Variants in TRAF3IP1 observed in about 807,000 individuals in gnomAD.
The protein encoded by TRAF3IP1 is intraflagellar transport 54.
A neutral mutation model predicts 89.9 loss-of-function variants in TRAF3IP1; 53 were observed. The ratio of observed to expected loss-of-function variants is 0.59; its 90% CI spans 0.47 to 0.74. TRAF3IP1 has a LOEUF of 0.74. Ranked by LOEUF, TRAF3IP1 falls within the 30% of genes least tolerant of loss-of-function variation. The probability of loss-of-function intolerance (pLI) is 0.00; values close to 1 mark genes in which losing one functional copy is unlikely to be tolerated. For missense variants in TRAF3IP1, 806 were observed against 866.1 expected (o/e 0.93, Z 0.87); for synonymous variants, 311 against 322.1 (o/e 0.97, Z 0.37).
rs1698856790 is a variant in TRAF3IP1, at chr2:238,345,632, AAGAG to A, written c.1261+1041_1261+1044del. Among the ~76,000 whole-genome samples, 1 of 152,118 alleles carries A rather than the reference AAGAG, an allele frequency of 6.6e-6. No individual in the cohort carries two copies. The highest frequency in any genetic ancestry group is 6.5e-5 in the Admixed American group (1 of 15,278). The stretch of plus-strand genomic sequence containing the variant: ...AGGGAGGGTTAAAGATTGTGCAGAG[AAGAG>A]AGAGAGGCCTGGACTGTGGAGGCGC... On this transcript the variant is annotated intron_variant, in intron 9 of 16. Transcript: ENST00000373327. This position sits in a 1 kb window ranked among gnomAD's most constrained non-coding sequence, Gnocchi z 4.7.
chr2:238,368,834 C>G (rs1047173725), intron 15 of TRAF3IP1, among the ~76,000 whole-genome samples: 4 of 152,000 alleles, frequency 2.6e-5, no homozygotes. Context: ...CCATGTCCAG[C>G]TAATTTTTTT....
chr2:238,351,615 C>T lies in TRAF3IP1; in HGVS notation c.1452-1212C>T, dbSNP rs991888400. Among the ~76,000 whole-genome samples the T allele has an allele frequency of 6.6e-5, 10 of 152,020 alleles. No individual in the cohort carries two copies. The highest frequency in any genetic ancestry group is 1.5e-4 in the African/African-American group (6 of 41,374). On this transcript the variant is annotated intron_variant, in intron 12 of 16. Coordinates refer to ENST00000373327, the MANE Select transcript of TRAF3IP1 (RefSeq NM_015650.4). This position sits in a 1 kb window ranked among gnomAD's most constrained non-coding sequence, Gnocchi z 5.2. ...GAGGGTGTGCTGGGAGCGTGAGAGA[C>T]GAGGGACGGGAGCCTGGACTTCCTG...
chr2:238,368,134 C>G (rs923261904), intron 15 of TRAF3IP1, among the ~76,000 whole-genome samples: 1 of 152,184 alleles, frequency 6.6e-6, no homozygotes, highest in African/African-American at 2.4e-5. Flanking sequence ...ACCTGAAAAG[C>G]AGCTTCCAGT....
intron 12 of TRAF3IP1, among the ~76,000 whole-genome samples, chr2:238,350,670 C>T (rs964245594): frequency 2.6e-5 from 4 of 152,144 alleles, no homozygotes; most frequent in African/African-American, 7.2e-5. Context: ...AGGACAGTCT[C>T]CACCACAAAG....
In TRAF3IP1 at chr2:238,338,364, A is replaced by G. The variant is rs369712558; in HGVS notation, c.1066A>G (p.Arg356Gly). The G allele has an allele frequency of 3.9e-6, 6 of 1,537,860 alleles. No homozygotes were observed. Among genetic ancestry groups the G allele is most frequent in the Non-Finnish European group, 5.3e-6 (6 of 1,130,124 alleles). Residue 356 changes from arginine (R) to glycine (G), a missense_variant and splice_region_variant, in exon 8 of 17, where the codon AGG becomes GGG. Arg to Gly is a moderately radical substitution (Grantham distance 125). This residue lies in a region of TRAF3IP1 where 732 missense variants were observed against 780.5 expected (regional missense o/e 0.94). Coordinates refer to ENST00000373327, the MANE Select transcript of TRAF3IP1 (RefSeq NM_015650.4). ...TGTTGTTAACTATTTTATGTCAGGA[A>G]GGAAGGAGGATAATATTTCAGCTAA... ...KRRSKNSVEG[R>G]KEDNISAKSL...
At chr2:238,369,896 T>G (rs750804883) in intron 15 of TRAF3IP1, among the ~76,000 whole-genome samples, 12 of 152,204 alleles carry the variant, frequency 7.9e-5, no homozygotes, top group Non-Finnish European at 1.6e-4. Context: ...CTGCCATGAT[T>G]TTCATGCGCA....
rs1698117993 is a variant in TRAF3IP1, at chr2:238,331,404, G to A, written c.916-1420G>A. On this transcript the variant is annotated intron_variant, in intron 5 of 16. Coordinates refer to ENST00000373327, the MANE Select transcript of TRAF3IP1 (RefSeq NM_015650.4). ...AGGCAGGAGAATCGTTTGAACTCGGGAGGCGGAGGTTGCAGTGAGCTGACA... is the reference window on the plus strand; with the variant it reads ...AGGCAGGAGAATCGTTTGAACTCGGAAGGCGGAGGTTGCAGTGAGCTGACA... Among the ~76,000 whole-genome samples, 3 of 152,144 alleles carry A rather than the reference G, an allele frequency of 2.0e-5. No homozygotes were observed. The South Asian group carries it at 6.2e-4, about 32-fold the overall frequency.
intron 5 of TRAF3IP1, among the ~76,000 whole-genome samples, chr2:238,332,018 G>A (rs748708280): frequency 1.3e-5 from 2 of 152,210 alleles, no homozygotes; most frequent in African/African-American, 4.8e-5. Context: ...GAGGCCAGGT[G>A]CTAAGTTAGA....
chr2:238,331,671 T>C (rs1378435314), intron 5 of TRAF3IP1, among the ~76,000 whole-genome samples: 2 of 152,178 alleles, frequency 1.3e-5, no homozygotes, highest in Non-Finnish European at 2.9e-5. Context: ...TGCCAGGCTC[T>C]TCTGTGGACG....
At chr2:238,360,974 CA>C (rs1318281138) in intron 15 of TRAF3IP1, among the ~76,000 whole-genome samples, 7 of 152,114 alleles carry the variant, frequency 4.6e-5, no homozygotes, top group African/African-American at 1.7e-4. Context: ...TATATAATGA[CA>C]CCCTTGTGTC....
chr2:238,395,621 G>A (rs1385029180), intron 15 of TRAF3IP1, among the ~76,000 whole-genome samples: 3 of 151,978 alleles, frequency 2.0e-5, no homozygotes, highest in South Asian at 2.1e-4. Flanking sequence ...GAAAATTTTC[G>A]CAACCTTCTC....
At chr2:238,328,485 A>C (rs1184156245) in intron 3 of TRAF3IP1, among the ~76,000 whole-genome samples, 1 of 152,222 alleles carries the variant, frequency 6.6e-6, no homozygotes, top group African/African-American at 2.4e-5. Context: ...TTAGTGACCA[A>C]AGTGCTGAAA....
At chr2:238,320,833 TG>T in intron 1 of TRAF3IP1, 48 bp downstream of exon 1, 1 of 1,325,958 alleles carries the variant, frequency 7.5e-7, no homozygotes. Flanking sequence ...GGGATTCCGG[TG>T]GGCGCCGAGG....
intron 15 of TRAF3IP1, among the ~76,000 whole-genome samples, chr2:238,378,054 A>T (rs999665528): frequency 6.6e-6 from 1 of 151,996 alleles, no homozygotes; most frequent in African/African-American, 2.4e-5. Flanking sequence ...GTTTTAACCA[A>T]TATTACTTAC....
At chr2:238,373,016 T>A (rs1394967546) in intron 15 of TRAF3IP1, among the ~76,000 whole-genome samples, 1 of 152,234 alleles carries the variant, frequency 6.6e-6, no homozygotes, top group African/African-American at 2.4e-5. Context: ...AAGTTCTTTG[T>A]AGATTCTGGA....
rs563499104 is a variant in TRAF3IP1 at position 238,378,643 on chromosome 2, G to C, written c.1690-18816G>C. Among the ~76,000 whole-genome samples the C allele has an allele frequency of 1.1e-4, 17 of 152,250 alleles. No homozygotes were observed. In the South Asian group the frequency reaches 3.5e-3, roughly 32 times the overall value. The stretch of plus-strand genomic sequence containing the variant: ...AGAGAGAGAGAGAGTTTGTGTTTAG[G>C]TTTTAGAATCAAGGTTATGTCCATT... On this transcript the variant is annotated intron_variant, in intron 15 of 16. Transcript: ENST00000373327.
intron 15 of TRAF3IP1, among the ~76,000 whole-genome samples, chr2:238,382,879 CCTCT>C (rs1326504411): frequency 1.3e-5 from 2 of 151,784 alleles, no homozygotes; most frequent in Admixed American, 6.6e-5. Flanking sequence ...CTCGTTGCCT[CCTCT>C]CTCTCTCCCC....
At chr2:238,358,211 C>T (rs372848121) in intron 15 of TRAF3IP1, among the ~76,000 whole-genome samples, 114 of 151,772 alleles carry the variant, frequency 7.5e-4, no homozygotes, top group South Asian at 4.2e-3. Flanking sequence ...CCCGGATTCA[C>T]GCCATTCTCC....
At chr2:238,352,480 A>G (rs1699217042) in intron 12 of TRAF3IP1, among the ~76,000 whole-genome samples, 1 of 152,142 alleles carries the variant, frequency 6.6e-6, no homozygotes, top group African/African-American at 2.4e-5. Flanking sequence ...CTGAGAGCGC[A>G]GTCAGGGGAG....
Sources: allele counts gnomAD v4.1 joint callset (sites outside exome capture counted in the v4.1 genomes callset), GRCh38; gene constraint gnomAD v4.1.1; regional missense constraint gnomAD v4.1.1; non-coding constraint Gnocchi (gnomAD v3.1); transcripts MANE v1.5; gene names NCBI Gene and HGNC (gene_info 2026-07-23, HGNC 2026-07-21).